Variants in GRID2 observed in about 807,000 individuals in gnomAD.
GRID2 encodes the protein glutamate receptor ionotropic, delta-2.
In GRID2, 33 loss-of-function variants were observed where a neutral mutation model predicts 114.8. The observed-to-expected ratio is 0.29, with a 90% confidence interval of 0.22 to 0.38. The LOEUF is 0.38. Among genes scored for constraint, GRID2 ranks in the 10% least tolerant of loss-of-function variants. The pLI, the probability that GRID2 is intolerant of heterozygous loss-of-function variation, is 1.00. For missense variants in GRID2, 1,184 were observed against 1,257.7 expected (o/e 0.94, Z 0.89); for synonymous variants, 505 against 449.9 (o/e 1.12, Z -1.55).
intron 2 of GRID2, among the ~76,000 whole-genome samples, chr4:92,919,825 T>C (rs908380576): frequency 6.6e-6 from 1 of 152,196 alleles, no homozygotes; most frequent in African/African-American, 2.4e-5. Context: ...GAATGTATAT[T>C]CTGTTGATTT....
chr4:92,407,127 A>G (rs2110292824), intron 1 of GRID2, among the ~76,000 whole-genome samples: 1 of 152,070 alleles, frequency 6.6e-6, no homozygotes, highest in Admixed American at 6.6e-5. Flanking sequence ...CTCTTAAACC[A>G]TCATATCTCA....
At chr4:93,089,786 G>A (rs989243968) in intron 3 of GRID2, among the ~76,000 whole-genome samples, 2 of 152,082 alleles carry the variant, frequency 1.3e-5, no homozygotes, top group East Asian at 3.9e-4. Context: ...ATGGATGCTG[G>A]TGGAAAATAC....
chr4:92,777,646 G>T (rs1010762046), intron 2 of GRID2, among the ~76,000 whole-genome samples: 2 of 150,904 alleles, frequency 1.3e-5, no homozygotes, highest in Non-Finnish European at 2.9e-5. Flanking sequence ...AGTAATGAAG[G>T]TTAAATAAGG....
Position 92,912,940 on chromosome 4 carries a change from A to G in GRID2, c.245-172055A>G, listed in dbSNP as rs562230263. Among the ~76,000 whole-genome samples the G allele has an allele frequency of 2.4e-4, 36 of 151,968 alleles. No individual in the cohort carries two copies. In the South Asian group the frequency reaches 6.8e-3, roughly 29 times the overall value. ...ATCTTATCCATGACACCAATTTGGA[A>G]CCTAGAATAGAAACTTCTATAAAAG... On this transcript the variant is annotated intron_variant, in intron 2 of 15. Transcript: ENST00000282020.
intron 14 of GRID2, among the ~76,000 whole-genome samples, chr4:93,698,420 T>C (rs191482015): frequency 1.3e-5 from 2 of 152,214 alleles, no homozygotes; most frequent in Admixed American, 6.5e-5. Context: ...CTCTGATATA[T>C]GTTATGTTCT....
At chr4:92,685,311 T>G (rs1733846786) in intron 2 of GRID2, among the ~76,000 whole-genome samples, 1 of 152,112 alleles carries the variant, frequency 6.6e-6, no homozygotes, top group Non-Finnish European at 1.5e-5. Flanking sequence ...CTTAGGAATT[T>G]CCCGTGCCCA....
intron 2 of GRID2, among the ~76,000 whole-genome samples, chr4:92,839,471 G>A (rs1026711587): frequency 1.2e-4 from 16 of 129,122 alleles, no homozygotes; most frequent in East Asian, 9.2e-4. Context: ...TCCTGTGTCC[G>A]CGTGTTCTCA....
intron 2 of GRID2, among the ~76,000 whole-genome samples, chr4:92,593,134 A>G (rs756617257): frequency 4.2e-4 from 64 of 152,070 alleles, no homozygotes; most frequent in Non-Finnish European, 1.5e-4. Flanking sequence ...ATGAATTTAT[A>G]GAAAAACTCA....
chr4:93,216,608 T>C (rs1744242697), intron 5 of GRID2, 130 bp from the exon 6 acceptor site: 6 of 603,716 alleles, frequency 9.9e-6, no homozygotes, highest in Admixed American at 2.9e-5. Context: ...CATTTAGATA[T>C]GCACTAAGCA....
chr4:93,131,317 C>CTAATTTT (rs1286758648), intron 4 of GRID2, among the ~76,000 whole-genome samples: 52 of 151,574 alleles, frequency 3.4e-4, no homozygotes, highest in African/African-American at 1.2e-3. Context: ...CCATGCCCAG[C>CTAATTTT]TAATTTTTGT....
At position 93,491,888 on chromosome 4, in the gene GRID2, A is replaced by G. The variant is rs534202407; in HGVS notation, c.1997+1111A>G. Among the ~76,000 whole-genome samples, 3 of 152,048 alleles carry G rather than the reference A, an allele frequency of 2.0e-5. No individual in the cohort carries two copies. In the East Asian group the frequency reaches 5.8e-4, roughly 30 times the overall value. The stretch of plus-strand genomic sequence containing the variant: ...TCATTATACAAATTGAAACTCCCAT[A>G]TTCAACTAGTAATGCTAATAAGTAG... On this transcript the variant is annotated intron_variant, in intron 12 of 15. Coordinates refer to ENST00000282020, the MANE Select transcript of GRID2 (RefSeq NM_001510.4).
At chr4:93,176,149 T>A (rs867033781) in intron 4 of GRID2, among the ~76,000 whole-genome samples, 24 of 152,228 alleles carry the variant, frequency 1.6e-4, no homozygotes, top group Non-Finnish European at 2.4e-4. Flanking sequence ...TTGATTTTTT[T>A]AAAAAGAAAT....
At chr4:92,825,938 A>G (rs1030317051) in intron 2 of GRID2, among the ~76,000 whole-genome samples, 1 of 152,098 alleles carries the variant, frequency 6.6e-6, no homozygotes, top group South Asian at 2.1e-4. Context: ...ATATATTGCT[A>G]CTTGTAGCTG....
At chr4:92,749,211 C>A (rs1737310644) in intron 2 of GRID2, among the ~76,000 whole-genome samples, 1 of 151,812 alleles carries the variant, frequency 6.6e-6, no homozygotes. Context: ...ACCATGTTGG[C>A]CAGGATGGTC....
chr4:92,356,971 A>T (rs1203755267), intron 1 of GRID2, among the ~76,000 whole-genome samples: 3 of 151,788 alleles, frequency 2.0e-5, no homozygotes, highest in Non-Finnish European at 4.4e-5. Flanking sequence ...TAACCAGCAA[A>T]TTACCAAATT....
At chr4:93,372,932 A>G (rs1763066297) in intron 8 of GRID2, among the ~76,000 whole-genome samples, 2 of 152,146 alleles carry the variant, frequency 1.3e-5, no homozygotes, top group Non-Finnish European at 2.9e-5. Context: ...ATAAGTAGAT[A>G]ATACTTTTGT....
chr4:92,914,699 C>G (rs1167156848), intron 2 of GRID2, among the ~76,000 whole-genome samples: 3 of 152,100 alleles, frequency 2.0e-5, no homozygotes, highest in East Asian at 3.9e-4. Flanking sequence ...TATTAGTTTG[C>G]TAAGGATAAT....
At chr4:92,517,115 G>A (rs555395753) in intron 1 of GRID2, among the ~76,000 whole-genome samples, 2 of 151,734 alleles carry the variant, frequency 1.3e-5, no homozygotes, top group African/African-American at 2.4e-5. Flanking sequence ...AATTTGCCAC[G>A]TACTGGATGC....
intron 1 of GRID2, among the ~76,000 whole-genome samples, chr4:93,781,453 C>T (rs562976225): frequency 6.6e-6 from 1 of 151,766 alleles, no homozygotes; most frequent in Admixed American, 6.6e-5. Context: ...GCGGTGAGGC[C>T]CACTGGGCTT....
Sources: gnomAD v4.1 joint callset for allele counts (sites outside exome capture counted in the v4.1 genomes callset) on GRCh38, gnomAD v4.1.1 for gene constraint, MANE v1.5 for transcripts, NCBI Gene and HGNC (gene_info 2026-07-23, HGNC 2026-07-21) for gene names.